The following ASH2L variants were observed in gnomAD, a reference collection of about 807,000 sequenced individuals.
ASH2L encodes ASH2 like, histone lysine methyltransferase complex subunit.
In ASH2L, 30 loss-of-function variants were observed where a neutral mutation model predicts 81.1. The observed-to-expected ratio is 0.37, with a 90% CI of 0.28 to 0.50. The LOEUF is 0.50. Ranked by LOEUF, ASH2L falls within the 20% of genes least tolerant of loss-of-function variation. ASH2L has a pLI of 0.95. For missense variants in ASH2L, 559 were observed against 792.1 expected, an observed-to-expected ratio of 0.71 and a Z score of 3.53; for synonymous variants, 273 against 279.9, an observed-to-expected ratio of 0.98 and a Z score of 0.24.
chr8:38,111,044 C>T (rs892809467), intron 5 of ASH2L, among the ~76,000 whole-genome samples: 5 of 152,318 alleles, frequency 3.3e-5, no homozygotes, highest in Non-Finnish European at 5.9e-5. Context: ...CAGAGATTCT[C>T]CTGCCTCCGC....
Position 38,105,638 on chromosome 8 carries a change from G to T in ASH2L, c.88G>T (p.Gly30Trp). The change falls in exon 1 of 16, where the codon GGG becomes TGG. Residue 30 changes from glycine (G) to tryptophan (W), a missense_variant. This residue lies in a region of ASH2L where 145 missense variants were observed against 115.5 expected (regional missense o/e 1.26). Coordinates refer to ENST00000343823, the MANE Select transcript of ASH2L (RefSeq NM_004674.5). ...CGCAAATGCAACAGGGGCAGAAGAG[G>T]GGGAGATGAAGCCGGTGGCAGCGGG... ...AVANATGAEE[G>W]EMKPVAAGAA... 6.2e-7 allele frequency: 1 copy of T among 1,602,252 alleles called. No homozygotes were observed. The highest frequency in any genetic ancestry group is 8.5e-7 in the Non-Finnish European group (1 of 1,175,906).
chr8:38,120,321 G>T (rs142732622), intron 9 of ASH2L, among the ~76,000 whole-genome samples: 62 of 152,224 alleles, frequency 4.1e-4, no homozygotes, highest in African/African-American at 1.4e-3. Flanking sequence ...TTGAATGTTA[G>T]CTCCTTTAGC....
intron 5 of ASH2L, among the ~76,000 whole-genome samples, chr8:38,113,100 C>T (rs534892367): frequency 3.3e-5 from 5 of 152,174 alleles, no homozygotes; most frequent in Non-Finnish European, 5.9e-5. Context: ...TCCTGAGTAG[C>T]TGGGACTACT....
intron 7 of ASH2L, among the ~76,000 whole-genome samples, chr8:38,116,192 C>T (rs1380135422): frequency 1.3e-5 from 2 of 152,116 alleles, no homozygotes; most frequent in South Asian, 2.1e-4. Flanking sequence ...GGTGAAACCC[C>T]ATCTCTACTA....
chr8:38,124,986 G>A (rs886980130), intron 10 of ASH2L, among the ~76,000 whole-genome samples: 2 of 152,164 alleles, frequency 1.3e-5, no homozygotes, highest in African/African-American at 2.4e-5. Flanking sequence ...GACAGGGAGG[G>A]AGGTGCCAGG....
At chr8:38,136,841 C>CA (rs1468730007) in intron 14 of ASH2L, among the ~76,000 whole-genome samples, 15 of 151,802 alleles carry the variant, frequency 9.9e-5, no homozygotes, top group African/African-American at 3.1e-4. Flanking sequence ...CCTGTAATCC[C>CA]AGCACTTTGG....
intron 5 of ASH2L, 32 bp from the exon 6 acceptor site, chr8:38,114,160 C>A: frequency 1.6e-6 from 2 of 1,225,768 alleles, no homozygotes; most frequent in Non-Finnish European, 2.3e-6. Flanking sequence ...TTGATTGCAG[C>A]AGTAATAGTC....
Position 38,123,761 on chromosome 8 carries a change from A to G in ASH2L, c.1165+2612A>G, listed in dbSNP as rs189604205. Among the ~76,000 whole-genome samples, 28 of 152,166 alleles carry G rather than the reference A, an allele frequency of 1.8e-4. 1 individual carries two copies. The highest frequency in any genetic ancestry group is 6.8e-3 in the Middle Eastern group (2 of 294). On this transcript the variant is annotated intron_variant, in intron 10 of 15. Coordinates refer to ENST00000343823, the MANE Select transcript of ASH2L (RefSeq NM_004674.5). ...TCCACCATCTTCCCACTCACACTCT[A>G]GTTTCTAGTTTATCCTTGCTGTATT... is the stretch of plus-strand genomic sequence containing the variant.
intron 12 of ASH2L, among the ~76,000 whole-genome samples, chr8:38,129,963 A>G (rs1337999914): frequency 1.3e-5 from 2 of 152,146 alleles, no homozygotes; most frequent in Non-Finnish European, 2.9e-5. Context: ...GGATAGTTAC[A>G]TATTTAGCTT....
chr8:38,112,098 C>A (rs1055178379), intron 5 of ASH2L, among the ~76,000 whole-genome samples: 2 of 152,178 alleles, frequency 1.3e-5, no homozygotes, highest in Non-Finnish European at 2.9e-5. Flanking sequence ...CCTCAACCTC[C>A]TGTGTTCAAG....
chr8:38,135,851 C>T (rs755343451), intron 14 of ASH2L, 85 bp downstream of exon 14: 90 of 1,056,524 alleles, frequency 8.5e-5, no homozygotes, highest in Non-Finnish European at 1.2e-4. Flanking sequence ...AGTGCTGGAA[C>T]GAAATCCAAG....
intron 8 of ASH2L, chr8:38,117,369 A>T: frequency 2.6e-6 from 2 of 776,898 alleles, no homozygotes; most frequent in Non-Finnish European, 3.1e-6. Context: ...GGAAATAGCT[A>T]GTGTGTTATC....
chr8:38,112,884 T>G (rs1337783905), intron 5 of ASH2L, among the ~76,000 whole-genome samples: 3 of 152,150 alleles, frequency 2.0e-5, no homozygotes, highest in African/African-American at 7.2e-5. Flanking sequence ...GTAAATAACT[T>G]TCCCTCATTC....
chr8:38,126,829 G>A (rs564019957), intron 10 of ASH2L, among the ~76,000 whole-genome samples: 31 of 142,386 alleles, frequency 2.2e-4, no homozygotes, highest in Non-Finnish European at 4.2e-4. Context: ...ACTCCAGCCT[G>A]GGCAAAAGAG....
intron 3 of ASH2L, among the ~76,000 whole-genome samples, chr8:38,108,200 G>A (rs1260334041): frequency 6.6e-6 from 1 of 152,120 alleles, no homozygotes; most frequent in Non-Finnish European, 1.5e-5. Context: ...TTAGGAAAGA[G>A]TGTTTTTAAA....
intron 10 of ASH2L, among the ~76,000 whole-genome samples, chr8:38,126,630 G>A (rs1442135091): frequency 6.0e-5 from 9 of 151,136 alleles, no homozygotes; most frequent in African/African-American, 1.2e-4. Context: ...CGAGGCAGGC[G>A]GATCACGAGG....
chr8:38,137,389 C>CAAAAAAAAAAA (rs71216651), intron 14 of ASH2L: 17 of 123,994 alleles, frequency 1.4e-4, no homozygotes, highest in South Asian at 2.6e-4. Context: ...TCTAAAAATA[C>CAAAAAAAAAAA]AAAAAAAAAA....
chr8:38,133,845 G>A (rs1029218247), intron 13 of ASH2L, among the ~76,000 whole-genome samples: 22 of 152,102 alleles, frequency 1.4e-4, no homozygotes, highest in Non-Finnish European at 2.5e-4. Flanking sequence ...CATTGAGAAC[G>A]GGCCATGATG....
chr8:38,115,941 T>G (rs555918086), intron 7 of ASH2L, among the ~76,000 whole-genome samples: 1 of 152,126 alleles, frequency 6.6e-6, no homozygotes, highest in Non-Finnish European at 1.5e-5. Flanking sequence ...AATTGTCCAT[T>G]TCAGACTGTG....
Sources: allele counts gnomAD v4.1 joint callset (sites outside exome capture counted in the v4.1 genomes callset), GRCh38; gene constraint gnomAD v4.1.1; regional missense constraint gnomAD v4.1.1; transcripts MANE v1.5; gene names NCBI Gene and HGNC (gene_info 2026-07-23, HGNC 2026-07-21).